The following PALM2AKAP2 variants were observed in gnomAD, a reference collection of about 807,000 sequenced individuals.
The protein encoded by PALM2AKAP2 is PALM2-AKAP2 fusion protein.
A neutral mutation model predicts 71.5 loss-of-function variants in PALM2AKAP2; 37 were observed. That is an observed-to-expected ratio of 0.52 (90% CI 0.40 to 0.68). The LOEUF is 0.68. Among genes scored for constraint, PALM2AKAP2 ranks in the 30% least tolerant of loss-of-function variants. The pLI is 0.00. For synonymous variants in PALM2AKAP2, 468 were observed against 478.8 expected, an observed-to-expected ratio of 0.98 and a Z score of 0.29; for missense variants, 1,224 against 1,191.8, an observed-to-expected ratio of 1.03 and a Z score of -0.40.
chr9:109,837,346 C>T (rs1303690491), intron 1 of PALM2AKAP2, among the ~76,000 whole-genome samples: 1 of 152,138 alleles, frequency 6.6e-6, no homozygotes, highest in Non-Finnish European at 1.5e-5. Context: ...TTTGTCACCA[C>T]CAGGCCTGCC....
chr9:109,693,581 C>G (rs1827928289), intron 1 of PALM2AKAP2, among the ~76,000 whole-genome samples: 1 of 151,910 alleles, frequency 6.6e-6, no homozygotes, highest in Non-Finnish European at 1.5e-5. Context: ...TATTGATATT[C>G]TACACTATAA....
intron 7 of PALM2AKAP2, among the ~76,000 whole-genome samples, chr9:110,027,832 G>A (rs1833210060): frequency 6.6e-6 from 1 of 152,290 alleles, no homozygotes; most frequent in Admixed American, 6.5e-5. Context: ...TCTGCTGAAG[G>A]CCTTTTGTTG....
chr9:109,930,209 A>C lies in PALM2AKAP2; in HGVS notation c.395-1718A>C, dbSNP rs541279110. On this transcript the variant is annotated intron_variant, in intron 5 of 9. Transcript: ENST00000302798. The stretch of plus-strand genomic sequence containing the variant: ...TTCCTTTCTCATTCCTTCTCCCCAA[A>C]TGGTTAATATGGAAAAATCTATTTT... 3.0e-3 allele frequency among the ~76,000 whole-genome samples: 457 copies of C among 151,204 alleles called. 3 individuals carry two copies. The highest frequency in any genetic ancestry group is 0.01 in the African/African-American group (430 of 40,982).
intron 3 of PALM2AKAP2, among the ~76,000 whole-genome samples, chr9:109,917,756 A>G (rs1223411817): frequency 6.6e-6 from 1 of 152,124 alleles, no homozygotes; most frequent in African/African-American, 2.4e-5. Context: ...AGTCTCCCAA[A>G]GTGCTGGGAT....
chr9:110,048,157 C>T (rs1294488262), upstream of PALM2AKAP2, among the ~76,000 whole-genome samples: 2 of 152,194 alleles, frequency 1.3e-5, no homozygotes, highest in Non-Finnish European at 2.9e-5. Context: ...ACGCACTTCG[C>T]AACCAGTTCC....
intron 6 of PALM2AKAP2, chr9:109,943,596 C>T: frequency 1.2e-6 from 1 of 862,662 alleles, no homozygotes; most frequent in Admixed American, 2.4e-5. Flanking sequence ...ACCTGAGAGA[C>T]AACGTGCATG....
rs557941332 is a variant in PALM2AKAP2, at chr9:110,012,132, A to G, written c.497-3822A>G. ...ACGTGGCAAAACCCTGTTTCTACTA[A>G]AATTACAAAAAGTATCCGGGCATGG... On this transcript the variant is annotated intron_variant, in intron 6 of 9. Coordinates refer to the PALM2AKAP2 transcript ENST00000302798. Among the ~76,000 whole-genome samples, 58 of 152,088 alleles carry G rather than the reference A, an allele frequency of 3.8e-4. 1 individual carries two copies. The South Asian group carries it at 0.012, about 32-fold the overall frequency.
chr9:109,866,429 A>G (rs567873511), intron 1 of PALM2AKAP2, among the ~76,000 whole-genome samples: 1 of 152,360 alleles, frequency 6.6e-6, no homozygotes, highest in South Asian at 2.1e-4. Context: ...ACAGAACATT[A>G]ACAAGGAAAC....
chr9:110,136,175 GACA>G lies in PALM2AKAP2; in HGVS notation c.208_210del (p.Asn70del), dbSNP rs764285793. ...TGATATCTGGCTAAAAAGCGAGGGA[GACA>G]ACTATAGTGCCACCCTCCTGGAGCC... On this transcript the variant is annotated inframe_deletion, in exon 2 of 4. Coordinates refer to ENST00000374525, the Ensembl canonical transcript of PALM2AKAP2. The G allele has an allele frequency of 3.2e-5, 51 of 1,607,452 alleles. No homozygotes were observed. The African/African-American group carries it at 6.3e-4, about 20-fold the overall frequency.
intron 1 of PALM2AKAP2, among the ~76,000 whole-genome samples, chr9:110,133,753 A>G (rs1021600825): frequency 6.6e-6 from 1 of 152,166 alleles, no homozygotes; most frequent in Non-Finnish European, 1.5e-5. Flanking sequence ...GGCCAAAAGA[A>G]GCCAGGGGTG....
intron 1 of PALM2AKAP2, among the ~76,000 whole-genome samples, chr9:109,783,047 G>A (rs1349670196): frequency 6.6e-6 from 1 of 152,054 alleles, no homozygotes; most frequent in Non-Finnish European, 1.5e-5. Flanking sequence ...ACTTACTTGG[G>A]CTTCTCTCTC....
intron 1 of PALM2AKAP2, among the ~76,000 whole-genome samples, chr9:109,794,665 A>G (rs10980041): frequency 0.29 from 43,551 of 152,080 alleles, 7,150 homozygotes; most frequent in African/African-American, 0.45. Flanking sequence ...TGGTAGCAGG[A>G]TCGACCCTAG....
chr9:109,688,406 C>T (rs1362344460), intron 1 of PALM2AKAP2, among the ~76,000 whole-genome samples: 1 of 152,176 alleles, frequency 6.6e-6, no homozygotes, highest in Non-Finnish European at 1.5e-5. Context: ...GATGGAGCGC[C>T]CATAGGGTGG....
intron 1 of PALM2AKAP2, among the ~76,000 whole-genome samples, chr9:109,702,120 G>A (rs1828070160): frequency 6.6e-6 from 1 of 152,132 alleles, no homozygotes. Context: ...TGGAGAAATA[G>A]GAACATTTTT....
intron 3 of PALM2AKAP2, among the ~76,000 whole-genome samples, chr9:109,917,539 A>G (rs1223333532): frequency 3.0e-5 from 4 of 131,668 alleles, no homozygotes; most frequent in Admixed American, 2.7e-4. Flanking sequence ...CCCAGACTGG[A>G]GTACAGTGTT....
At chr9:110,003,176 T>C (rs969066204) in intron 6 of PALM2AKAP2, among the ~76,000 whole-genome samples, 1 of 152,194 alleles carries the variant, frequency 6.6e-6, no homozygotes, top group African/African-American at 2.4e-5. Flanking sequence ...TTTAGTGCTA[T>C]AAATTTCCCT....
chr9:110,167,475 T>A (rs75087502), intron 3 of PALM2AKAP2, among the ~76,000 whole-genome samples: 79,133 of 151,970 alleles, frequency 0.52, 21,016 homozygotes, highest in East Asian at 0.86. Flanking sequence ...ATCTGGAATC[T>A]CTTCTTGATC....
intron 1 of PALM2AKAP2, among the ~76,000 whole-genome samples, chr9:109,705,529 A>C (rs888423507): frequency 1.3e-5 from 2 of 152,096 alleles, no homozygotes; most frequent in African/African-American, 4.8e-5. Context: ...CTTTTGACCC[A>C]TTCACTCCAA....
chr9:109,892,287 A>G (rs1337125181), intron 3 of PALM2AKAP2, among the ~76,000 whole-genome samples: 2 of 152,066 alleles, frequency 1.3e-5, no homozygotes, highest in South Asian at 2.1e-4. Context: ...TTGTCTTCAC[A>G]TGGGCTTCTC....
Sources: gnomAD v4.1 joint callset for allele counts (sites outside exome capture counted in the v4.1 genomes callset) on GRCh38, gnomAD v4.1.1 for gene constraint, MANE v1.5 for transcripts, NCBI Gene and HGNC (gene_info 2026-07-23, HGNC 2026-07-21) for gene names.